Variants in INTU observed in about 807,000 individuals in gnomAD.
INTU encodes inturned planar cell polarity protein, also known as protein inturned.
A neutral mutation model predicts 100.5 loss-of-function variants in INTU; 68 were observed. The observed-to-expected ratio is 0.68, with a 90% CI of 0.56 to 0.83. The LOEUF is 0.83. INTU is among the 40% of genes least tolerant of loss of function. The pLI, the probability that INTU is intolerant of heterozygous loss-of-function variation, is 0.00. For synonymous variants in INTU, 357 were observed against 395.7 expected (o/e 0.90, Z 1.16); for missense variants, 1,071 against 1,114.7 (o/e 0.96, Z 0.56).
intron 4 of INTU, 126 bp downstream of exon 4, chr4:127,663,710 AT>A: frequency 1.5e-6 from 1 of 665,128 alleles, no homozygotes; most frequent in Non-Finnish European, 2.5e-6. Flanking sequence ...ACAAAAATGA[AT>A]TAACTGTTTT....
At chr4:127,633,863 C>G (rs1726952520) in intron 1 of INTU, among the ~76,000 whole-genome samples, 1 of 152,188 alleles carries the variant, frequency 6.6e-6, no homozygotes, top group African/African-American at 2.4e-5. Flanking sequence ...TTCAGTGCTA[C>G]TTCATTTTTA....
chr4:127,682,156 G>C (rs1729595612), intron 6 of INTU, among the ~76,000 whole-genome samples: 2 of 152,048 alleles, frequency 1.3e-5, no homozygotes, highest in Non-Finnish European at 1.5e-5. Context: ...ACTGTTGGTG[G>C]GACTGTAAAC....
intron 7 of INTU, chr4:127,687,448 G>C (rs1729875301): frequency 3.5e-6 from 1 of 282,464 alleles, no homozygotes; most frequent in Non-Finnish European, 6.7e-6. Context: ...TTCTTCCATA[G>C]AGCCATCTAC....
At chr4:127,649,352 G>A (rs920069907) in intron 2 of INTU, among the ~76,000 whole-genome samples, 8 of 152,108 alleles carry the variant, frequency 5.3e-5, no homozygotes, top group African/African-American at 1.4e-4. Context: ...TTACACGAAC[G>A]TCTTTGAAAA....
intron 9 of INTU, 111 bp downstream of exon 9, chr4:127,700,174 T>A: frequency 1.2e-6 from 1 of 843,514 alleles, no homozygotes; most frequent in Non-Finnish European, 1.8e-6. Context: ...AAATACACAT[T>A]AGGCCTCTGT....
intron 2 of INTU, among the ~76,000 whole-genome samples, chr4:127,651,038 G>C (rs1054615414): frequency 1.8e-4 from 27 of 152,236 alleles, no homozygotes; most frequent in African/African-American, 6.5e-4. Flanking sequence ...GTCTGTTCAT[G>C]TCCTTCTCCC....
At chr4:127,666,262 A>G (rs951760312) in intron 4 of INTU, among the ~76,000 whole-genome samples, 4 of 152,066 alleles carry the variant, frequency 2.6e-5, no homozygotes, top group Admixed American at 6.6e-5. Context: ...TCTATACTCT[A>G]TTCTAGATCT....
At chr4:127,659,553 C>T (rs1281804570) in intron 3 of INTU, among the ~76,000 whole-genome samples, 1 of 152,132 alleles carries the variant, frequency 6.6e-6, no homozygotes, top group East Asian at 1.9e-4. Flanking sequence ...GGTGCAAATA[C>T]CCATCTAATT....
chr4:127,645,389 G>A (rs959530946), intron 2 of INTU, among the ~76,000 whole-genome samples: 5 of 152,068 alleles, frequency 3.3e-5, no homozygotes, highest in East Asian at 3.9e-4. Flanking sequence ...TGAAGCCCTC[G>A]CCACCAGATG....
intron 6 of INTU, among the ~76,000 whole-genome samples, chr4:127,676,549 G>A (rs1368134556): frequency 6.7e-6 from 1 of 148,682 alleles, no homozygotes; most frequent in Non-Finnish European, 1.5e-5. Flanking sequence ...TGCTGCCACT[G>A]TACTCCAGCC....
chr4:127,663,386 A>G lies in INTU; in HGVS notation c.774A>G (p.Lys258=), dbSNP rs1728557973. 1.2e-6 allele frequency: 2 copies of G among 1,611,252 alleles called. No individual in the cohort carries two copies. Among genetic ancestry groups the G allele is most frequent in the South Asian group, 1.1e-5 (1 of 90,922 alleles). The change falls in exon 4 of 16, where the codon AAA becomes AAG. Residue 258 remains lysine (K), a synonymous_variant. Coordinates refer to ENST00000335251, the MANE Select transcript of INTU (RefSeq NM_015693.4). ...LSCIPGPMQV[K]LTFENAYDVK... ...CATTGTTTTAATTTTTAAAGGTGAA[A>G]CTGACATTTGAAAATGCATATGATG...
In INTU at chr4:127,643,776, T is replaced by C; in HGVS notation, c.402T>C (p.Asn134=). ...AGCGCTGCAATAAAAAAAATAGCAATGACAATGGACCAGTATCCATTCTAA... is the reference window on the plus strand; with the variant it reads ...AGCGCTGCAATAAAAAAAATAGCAACGACAATGGACCAGTATCCATTCTAA... The part of the protein sequence containing the change: ...LPKRCNKKNS[N]DNGPVSILKH... Residue 134 remains asparagine, a synonymous_variant, in exon 2 of 16, where the codon AAT becomes AAC. Coordinates refer to ENST00000335251, the MANE Select transcript of INTU (RefSeq NM_015693.4). The C allele has an allele frequency of 6.2e-7, 1 of 1,613,510 alleles. No individual in the cohort carries two copies.
chr4:127,640,443 C>G (rs1399713292), intron 1 of INTU, among the ~76,000 whole-genome samples: 1 of 149,796 alleles, frequency 6.7e-6, no homozygotes, highest in African/African-American at 2.5e-5. Context: ...TCTTTCTCTT[C>G]TTAAAATGAT....
chr4:127,642,947 T>A (rs1314723487), intron 1 of INTU, among the ~76,000 whole-genome samples: 1 of 152,194 alleles, frequency 6.6e-6, no homozygotes, highest in Non-Finnish European at 1.5e-5. Flanking sequence ...ATAAATGGGT[T>A]GTTTTCAGGA....
chr4:127,700,204 A>G (rs1293026674), intron 9 of INTU, 141 bp downstream of exon 9: 4 of 645,978 alleles, frequency 6.2e-6, no homozygotes, highest in East Asian at 2.9e-5. Flanking sequence ...GACAAAATCT[A>G]TTTTGCTTGC....
intron 9 of INTU, among the ~76,000 whole-genome samples, chr4:127,703,724 T>C (rs1730752657): frequency 6.6e-6 from 1 of 152,200 alleles, no homozygotes; most frequent in African/African-American, 2.4e-5. Context: ...ATATTACAAA[T>C]AATCCAACTG....
chr4:127,700,150 A>T, intron 9 of INTU, 87 bp downstream of exon 9: 1 of 1,094,382 alleles, frequency 9.1e-7, no homozygotes, highest in South Asian at 1.4e-5. Flanking sequence ...CCAAGTGGAT[A>T]TATAATAATC....
chr4:127,710,296 T>G (rs1475841687), intron 13 of INTU, among the ~76,000 whole-genome samples: 1 of 152,060 alleles, frequency 6.6e-6, no homozygotes, highest in Non-Finnish European at 1.5e-5. Context: ...AAACAGGATG[T>G]AATATATTAT....
At chr4:127,699,197 G>A (rs573738293) in intron 8 of INTU, 1 of 152,250 alleles carries the variant, frequency 6.6e-6, no homozygotes, top group East Asian at 1.9e-4. Context: ...TTCACAAATA[G>A]CATGTATGCC....
Sources: gnomAD v4.1 joint callset for allele counts (sites outside exome capture counted in the v4.1 genomes callset) on GRCh38, gnomAD v4.1.1 for gene constraint, MANE v1.5 for transcripts, NCBI Gene and HGNC (gene_info 2026-07-23, HGNC 2026-07-21) for gene names.